Variants in ERG observed in about 807,000 individuals in gnomAD.
ERG encodes the protein transcriptional regulator ERG.
A neutral mutation model predicts 55.3 loss-of-function variants in ERG; 9 were observed. That is an observed-to-expected ratio of 0.16 (90% CI 0.10 to 0.28). ERG has a LOEUF of 0.28. Ranked by LOEUF, ERG falls within the 10% of genes least tolerant of loss-of-function variation. ERG has a pLI of 1.00. For synonymous variants in ERG, 223 were observed against 237.3 expected (o/e 0.94, Z 0.55); for missense variants, 434 against 631.6 (o/e 0.69, Z 3.35).
intron 2 of ERG, among the ~76,000 whole-genome samples, chr21:38,516,274 C>T (rs556434932): frequency 6.6e-6 from 1 of 151,976 alleles, no homozygotes; most frequent in South Asian, 2.1e-4. Context: ...TTAAAAAATT[C>T]AGTAAAGTTG....
At chr21:38,597,581 C>T (rs1379456219) in intron 1 of ERG, among the ~76,000 whole-genome samples, 1 of 152,154 alleles carries the variant, frequency 6.6e-6, no homozygotes, top group East Asian at 1.9e-4. Context: ...CTGGCTGACA[C>T]TCCTGCATTG....
chr21:38,522,778 CT>C (rs2059604011), intron 2 of ERG, among the ~76,000 whole-genome samples: 1 of 152,164 alleles, frequency 6.6e-6, no homozygotes, highest in Non-Finnish European at 1.5e-5. Flanking sequence ...AAAGCAAATT[CT>C]TGTTTACTTC....
rs573373781 is a variant in ERG at position 38,533,504 on chromosome 21, A to G, written c.-41+42158T>C. Among the ~76,000 whole-genome samples, 3 of 152,280 alleles carry G rather than the reference A, an allele frequency of 2.0e-5. No individual in the cohort carries two copies. The South Asian group carries it at 6.2e-4, about 32-fold the overall frequency. ...ATGGAACGTTGTGCCTTACAGCTAT[A>G]ATATTTTTTAAAAGGCATTCAGTTT... On this transcript the variant is annotated intron_variant, in intron 2 of 8. Transcript: ENST00000398897.
intron 1 of ERG, among the ~76,000 whole-genome samples, chr21:38,660,000 T>C (rs9647180): frequency 0.8 from 122,154 of 152,102 alleles, 49,323 homozygotes; most frequent in African/African-American, 0.89. Flanking sequence ...GGCTGAAGAA[T>C]GGAAAGGTGA....
At chr21:38,542,696 T>C (rs142509268) in intron 2 of ERG, among the ~76,000 whole-genome samples, 107 of 152,330 alleles carry the variant, frequency 7.0e-4, no homozygotes, top group Middle Eastern at 3.4e-3. Context: ...TCTTCCGTGA[T>C]AATACGACAC....
the ERG span, among the ~76,000 whole-genome samples, chr21:38,368,785 A>G: frequency 1.3e-5 from 2 of 152,114 alleles, no homozygotes; most frequent in South Asian, 4.1e-4. Flanking sequence ...CCGCTCTGAA[A>G]GGCCCCAGTG....
intron 1 of ERG, among the ~76,000 whole-genome samples, chr21:38,472,639 C>T (rs2059149939): frequency 6.6e-6 from 1 of 152,132 alleles, no homozygotes; most frequent in Non-Finnish European, 1.5e-5. Context: ...GGCAGCTACA[C>T]TCTACGATAA....
At chr21:38,509,220 G>A (rs1281709352) in intron 2 of ERG, among the ~76,000 whole-genome samples, 1 of 152,144 alleles carries the variant, frequency 6.6e-6, no homozygotes, top group East Asian at 1.9e-4. Flanking sequence ...CCGGGCATCG[G>A]CATACCATCA....
intron 1 of ERG, among the ~76,000 whole-genome samples, chr21:38,576,463 A>G (rs1353478191): frequency 6.6e-6 from 1 of 152,238 alleles, no homozygotes; most frequent in African/African-American, 2.4e-5. Flanking sequence ...GCAGGTATCA[A>G]CCCACATTTT....
chr21:38,447,516 A>G (rs368013151), intron 1 of ERG, among the ~76,000 whole-genome samples: 1 of 145,922 alleles, frequency 6.9e-6, no homozygotes, highest in African/African-American at 2.6e-5. Flanking sequence ...AGAAGTTGAC[A>G]GTACAGAAAC....
At chr21:38,511,022 G>C (rs183018452) in intron 2 of ERG, among the ~76,000 whole-genome samples, 3 of 152,186 alleles carry the variant, frequency 2.0e-5, no homozygotes, top group East Asian at 1.9e-4. Context: ...GTATGTAAGG[G>C]ATTCACTGGA....
At chr21:38,660,335 G>A (rs2060544847) in intron 1 of ERG, among the ~76,000 whole-genome samples, 1 of 152,180 alleles carries the variant, frequency 6.6e-6, no homozygotes, top group African/African-American at 2.4e-5. Context: ...CCGACTGCAC[G>A]CGCCTCCCTG....
chr21:38,655,510 G>A (rs2060513571), intron 1 of ERG, among the ~76,000 whole-genome samples: 1 of 152,164 alleles, frequency 6.6e-6, no homozygotes, highest in South Asian at 2.1e-4. Context: ...TTGATTGCTA[G>A]GAGATTCACC....
chr21:38,646,795 G>GT (rs138316346), intron 1 of ERG, among the ~76,000 whole-genome samples: 9,384 of 152,140 alleles, frequency 0.062, 921 homozygotes, highest in African/African-American at 0.21. Flanking sequence ...CTTTGTTGTT[G>GT]TTGTTTGTTT....
At chr21:38,521,856 T>C (rs555064023) in intron 2 of ERG, among the ~76,000 whole-genome samples, 10 of 152,326 alleles carry the variant, frequency 6.6e-5, no homozygotes, top group African/African-American at 9.6e-5. Flanking sequence ...TTGGGTACAT[T>C]TGCAGATTCA....
At chr21:38,593,876 T>C (rs2060115932) in intron 1 of ERG, among the ~76,000 whole-genome samples, 1 of 152,142 alleles carries the variant, frequency 6.6e-6, no homozygotes, top group Admixed American at 6.5e-5. Context: ...TTGATACTTG[T>C]AGGAGGCAGA....
chr21:38,655,125 C>T (rs747086251), intron 1 of ERG, among the ~76,000 whole-genome samples: 3 of 152,156 alleles, frequency 2.0e-5, no homozygotes, highest in African/African-American at 7.2e-5. Context: ...TATTTATACT[C>T]TGCTTAGATC....
chr21:38,569,175 C>T (rs74363184), intron 2 of ERG, among the ~76,000 whole-genome samples: 9 of 152,226 alleles, frequency 5.9e-5, no homozygotes, highest in Admixed American at 2.6e-4. Flanking sequence ...TCCCTCCCCC[C>T]CCACCCCCAG....
chr21:38,536,489 G>C (rs2836485), intron 2 of ERG, among the ~76,000 whole-genome samples: 109,558 of 152,032 alleles, frequency 0.72, 40,277 homozygotes, highest in South Asian at 0.81. Flanking sequence ...GGACGTCAGC[G>C]TCTCCTCTGC....
Sources: gnomAD v4.1 joint callset for allele counts (sites outside exome capture counted in the v4.1 genomes callset) on GRCh38, gnomAD v4.1.1 for gene constraint, MANE v1.5 for transcripts, NCBI Gene and HGNC (gene_info 2026-07-23, HGNC 2026-07-21) for gene names.